Variants in KDM2A observed in about 807,000 individuals in gnomAD.
KDM2A encodes lysine-specific demethylase 2A.
In KDM2A, 3 loss-of-function variants were observed where a neutral mutation model predicts 137.3. The observed-to-expected ratio is 0.02, with a 90% confidence interval of 0.01 to 0.06. The LOEUF is 0.06. Ranked by LOEUF, KDM2A falls within the 10% of genes least tolerant of loss-of-function variation. The pLI is 1.00. For missense variants in KDM2A, 738 were observed against 1,510.6 expected (o/e 0.49, Z 8.48); for synonymous variants, 512 against 541.5 (o/e 0.95, Z 0.76).
At chr11:67,198,493 C>T (rs1474437439) in intron 5 of KDM2A, among the ~76,000 whole-genome samples, 1 of 151,892 alleles carries the variant, frequency 6.6e-6, no homozygotes, top group Non-Finnish European at 1.5e-5. Context: ...GAGGCCGAGG[C>T]GGGCGGATCT....
intron 5 of KDM2A, chr11:67,196,356 C>G: frequency 2.2e-6 from 1 of 455,982 alleles, no homozygotes; most frequent in African/African-American, 2.0e-5. Context: ...CCCAAGCTGG[C>G]CTTGAAATCC....
chr11:67,232,683 T>C (rs1302285155), intron 12 of KDM2A, among the ~76,000 whole-genome samples: 5 of 127,164 alleles, frequency 3.9e-5, no homozygotes, highest in Admixed American at 3.8e-4. Flanking sequence ...AGACTTGAGC[T>C]TTTTTTTTTT....
chr11:67,201,807 T>C (rs1857633356), intron 5 of KDM2A, among the ~76,000 whole-genome samples: 1 of 100,752 alleles, frequency 9.9e-6, no homozygotes, highest in African/African-American at 5.4e-5. Context: ...AAAAAAAAAT[T>C]AGCCATGCTT....
At chr11:67,185,800 G>A (rs190556633) in intron 5 of KDM2A, among the ~76,000 whole-genome samples, 2 of 151,978 alleles carry the variant, frequency 1.3e-5, no homozygotes, top group African/African-American at 2.4e-5. Flanking sequence ...CGGCCCCTTC[G>A]TGCTTTCTCT....
chr11:67,231,465 G>A (rs1212180100), intron 11 of KDM2A, 101 bp from the exon 12 acceptor site: 3 of 1,068,430 alleles, frequency 2.8e-6, no homozygotes, highest in East Asian at 2.6e-5. Context: ...TGGTAATTTT[G>A]TCATTTATAG....
chr11:67,191,285 A>C (rs1205457102), intron 5 of KDM2A, among the ~76,000 whole-genome samples: 1 of 152,116 alleles, frequency 6.6e-6, no homozygotes, highest in Non-Finnish European at 1.5e-5. Flanking sequence ...TCGGCCTCCC[A>C]AAGTGCTGAG....
At chr11:67,183,444 T>C (rs1000134540) in intron 5 of KDM2A, among the ~76,000 whole-genome samples, 1 of 152,194 alleles carries the variant, frequency 6.6e-6, no homozygotes, top group Admixed American at 6.5e-5. Flanking sequence ...TCAGAGAGGA[T>C]TGTAGGAAGA....
Position 67,254,905 on chromosome 11 carries a change from C to T in KDM2A, c.3339C>T (p.Ile1113=). 6.2e-7 allele frequency: 1 copy of T among 1,614,038 alleles called. No homozygotes were observed. Among genetic ancestry groups the T allele is most frequent in the Non-Finnish European group, 8.5e-7 (1 of 1,179,898 alleles). Residue 1113 remains isoleucine (I), a synonymous_variant, in exon 21 of 21, where the codon ATC becomes ATT. Transcript: ENST00000529006. The surrounding 1 kb of genome is among the most constrained non-coding windows in gnomAD (Gnocchi z 4.7). ...ATAAATTGACAGACCAGACCCTGAT[C>T]TACCTACGGCGCATTGCCAACGTCA... ...GCNKLTDQTL[I]YLRRIANVTL...
intron 2 of KDM2A, among the ~76,000 whole-genome samples, chr11:67,149,462 A>G (rs1856331082): frequency 6.6e-6 from 1 of 152,118 alleles, no homozygotes; most frequent in Non-Finnish European, 1.5e-5. Context: ...CGCCTTTTAA[A>G]TCTGATTTTT....
At chr11:67,171,195 TAC>T (rs1458503762) in intron 2 of KDM2A, among the ~76,000 whole-genome samples, 2 of 152,198 alleles carry the variant, frequency 1.3e-5, no homozygotes, top group African/African-American at 4.8e-5. Context: ...AGATTTGTGA[TAC>T]ATAGAAGTTG....
intron 10 of KDM2A, among the ~76,000 whole-genome samples, chr11:67,220,732 A>G (rs1172931695): frequency 6.6e-6 from 1 of 152,206 alleles, no homozygotes; most frequent in African/African-American, 2.4e-5. Flanking sequence ...TGGGTCATAA[A>G]GTGTCTATTG....
chr11:67,215,841 C>CT lies in KDM2A; in HGVS notation c.594-8dup. ...TTCCATCAGTACACTAATGCTGCTG[C>CT]TTTTTTTGGGTCAGGTACTGTCTAA... On this transcript the variant is annotated splice_polypyrimidine_tract_variant and intron_variant, in intron 7 of 20. Coordinates refer to ENST00000529006, the MANE Select transcript of KDM2A (RefSeq NM_012308.3). 1.2e-6 allele frequency: 2 copies of CT among 1,609,884 alleles called. No homozygotes were observed. Among genetic ancestry groups the CT allele is most frequent in the Non-Finnish European group, 1.7e-6 (2 of 1,176,354 alleles).
intron 5 of KDM2A, among the ~76,000 whole-genome samples, chr11:67,189,286 A>C (rs1163743051): frequency 6.6e-6 from 1 of 152,268 alleles, no homozygotes; most frequent in Non-Finnish European, 1.5e-5. Context: ...GTGGAATTTA[A>C]CAATCAGTGA....
chr11:67,255,177 T>TC lies in KDM2A; in HGVS notation c.*125dup. Reference sequence around the variant, plus strand: ...GTCACACTCCCTCTCTGCTCTCCTGTCCCTTGAGCCCTTCCTCTACAGGTG... The same window carrying TC: ...GTCACACTCCCTCTCTGCTCTCCTGTCCCCTTGAGCCCTTCCTCTACAGGTG... On this transcript the variant is annotated 3_prime_UTR_variant, in exon 21 of 21. Coordinates refer to ENST00000529006, the MANE Select transcript of KDM2A (RefSeq NM_012308.3). 1 of 846,234 alleles carries TC rather than the reference T, an allele frequency of 1.2e-6. No individual in the cohort carries two copies. Among genetic ancestry groups the TC allele is most frequent in the Non-Finnish European group, 1.8e-6 (1 of 548,740 alleles). The allele number at this position is 846,234 out of a possible 1,614,324, so 52.4% of individuals were successfully genotyped here.
intron 15 of KDM2A, among the ~76,000 whole-genome samples, chr11:67,247,297 C>T (rs1859279801): frequency 6.7e-6 from 1 of 149,434 alleles, no homozygotes; most frequent in Non-Finnish European, 1.5e-5. Flanking sequence ...ACCGTGTTGG[C>T]CAGGCCGGTC....
intron 10 of KDM2A, among the ~76,000 whole-genome samples, chr11:67,220,108 C>T (rs994086838): frequency 1.3e-5 from 2 of 150,810 alleles, no homozygotes; most frequent in African/African-American, 2.4e-5. Flanking sequence ...CCTCCCTGGG[C>T]TCAGTTGATC....
intron 2 of KDM2A, among the ~76,000 whole-genome samples, chr11:67,168,032 T>G (rs1045721746): frequency 6.6e-6 from 1 of 152,200 alleles, no homozygotes; most frequent in East Asian, 1.9e-4. Flanking sequence ...TTCCGACTCT[T>G]TTTATACTTC....
chr11:67,180,281 TGGGG>T, intron 3 of KDM2A, 64 bp downstream of exon 3: 1 of 1,532,886 alleles, frequency 6.5e-7, no homozygotes, highest in Non-Finnish European at 8.8e-7. Context: ...CTCTGAGCAT[TGGGG>T]GTTTAGCCTT....
intron 2 of KDM2A, among the ~76,000 whole-genome samples, chr11:67,137,546 G>A (rs1855994853): frequency 6.6e-6 from 1 of 152,008 alleles, no homozygotes; most frequent in South Asian, 2.1e-4. Flanking sequence ...ATGTTTTGAG[G>A]GTCAGTGTAA....
Sources: allele counts gnomAD v4.1 joint callset (sites outside exome capture counted in the v4.1 genomes callset), GRCh38; gene constraint gnomAD v4.1.1; non-coding constraint Gnocchi (gnomAD v3.1); transcripts MANE v1.5; gene names NCBI Gene and HGNC (gene_info 2026-07-23, HGNC 2026-07-21).